SECISBP2: variants seen among roughly 807,000 people sequenced by gnomAD.
SECISBP2 encodes selenocysteine insertion sequence-binding protein 2.
In SECISBP2, 96 loss-of-function variants were observed where a neutral mutation model predicts 98.2. The observed-to-expected ratio is 0.98, with a 90% confidence interval of 0.83 to 1.16. The LOEUF is 1.16. SECISBP2 is among the 50% of genes most tolerant of loss of function. The pLI is 0.00. For synonymous variants in SECISBP2, 407 were observed against 370.2 expected, an observed-to-expected ratio of 1.10 and a Z score of -1.14; for missense variants, 1,046 against 1,022.9, an observed-to-expected ratio of 1.02 and a Z score of -0.31.
intron 14 of SECISBP2, among the ~76,000 whole-genome samples, chr9:89,355,881 C>A (rs1385790583): frequency 6.6e-6 from 1 of 152,220 alleles, no homozygotes; most frequent in African/African-American, 2.4e-5. Flanking sequence ...CCGGTTTTTT[C>A]TGGCGTCCAT....
intron 14 of SECISBP2, among the ~76,000 whole-genome samples, chr9:89,352,463 A>G (rs1265940336): frequency 2.0e-5 from 3 of 152,184 alleles, no homozygotes; most frequent in Non-Finnish European, 2.9e-5. Context: ...TCTTGCTTGA[A>G]ATCCAGAGAC....
downstream of SECISBP2, chr9:89,362,513 C>T: frequency 6.2e-7 from 1 of 1,611,276 alleles, no homozygotes; most frequent in Non-Finnish European, 8.5e-7. Flanking sequence ...CATAGCCCAT[C>T]CCAGGCAGAG....
At chr9:89,337,933 A>G (rs551912967) in intron 7 of SECISBP2, among the ~76,000 whole-genome samples, 18 of 152,356 alleles carry the variant, frequency 1.2e-4, no homozygotes, top group African/African-American at 4.3e-4. Context: ...TTCAGTGCAA[A>G]GGCCCTGTGG....
At chr9:89,354,864 T>TA (rs1346717841) in intron 14 of SECISBP2, 2 of 985,304 alleles carry the variant, frequency 2.0e-6, no homozygotes, top group Non-Finnish European at 2.4e-6. Flanking sequence ...ACGGGGGACT[T>TA]CATATGTCTC....
downstream of SECISBP2, chr9:89,362,081 C>A: frequency 3.8e-6 from 2 of 526,544 alleles, no homozygotes; most frequent in South Asian, 2.3e-5. Flanking sequence ...CTGCACACAC[C>A]CTGCTGTTTT....
chr9:89,348,823 C>A (rs1185305614), intron 12 of SECISBP2, among the ~76,000 whole-genome samples: 6 of 152,256 alleles, frequency 3.9e-5, no homozygotes, highest in African/African-American at 1.2e-4. Context: ...CTCTTTGTCC[C>A]CTTTCCTTCA....
At chr9:89,319,887 A>G (rs1028965669) in intron 2 of SECISBP2, 90 bp downstream of exon 2, 5 of 1,318,988 alleles carry the variant, frequency 3.8e-6, no homozygotes, top group East Asian at 2.3e-5. Context: ...TTACTGCACT[A>G]AAGTTCTGCA....
At chr9:89,322,092 A>T (rs1825914326) in intron 2 of SECISBP2, 1 of 152,232 alleles carries the variant, frequency 6.6e-6, no homozygotes, top group South Asian at 2.1e-4. Context: ...TACCTTTCAC[A>T]GTGCACTCAA....
intron 10 of SECISBP2, among the ~76,000 whole-genome samples, chr9:89,344,305 C>G (rs571615904): frequency 7.9e-5 from 12 of 152,242 alleles, no homozygotes; most frequent in African/African-American, 2.9e-4. Flanking sequence ...TGCAGAAGCT[C>G]TTTAGTTTAA....
chr9:89,350,614 G>T lies in SECISBP2; in HGVS notation c.1893-18G>T. 1 of 1,609,676 alleles carries T rather than the reference G, an allele frequency of 6.2e-7. No individual in the cohort carries two copies. Among genetic ancestry groups the T allele is most frequent in the South Asian group, 1.1e-5 (1 of 90,976 alleles). ...CACAGCCAGTGGCACAATTCCTGATGTCTGATGTTTCTTTCAGTTACTGCA... is the reference window on the plus strand; with the variant it reads ...CACAGCCAGTGGCACAATTCCTGATTTCTGATGTTTCTTTCAGTTACTGCA... On this transcript the variant is annotated intron_variant, in intron 13 of 16. Transcript: ENST00000375807.
chr9:89,319,614 CTG>C, intron 1 of SECISBP2, 36 bp from the exon 2 acceptor site: 1 of 1,612,464 alleles, frequency 6.2e-7, no homozygotes, highest in Non-Finnish European at 8.5e-7. Context: ...TGCTTGATCT[CTG>C]AATGTTTGTG....
intron 1 of SECISBP2, chr9:89,319,053 A>G (rs1010128995): frequency 9.9e-7 from 1 of 1,011,696 alleles, no homozygotes; most frequent in South Asian, 4.3e-5. Flanking sequence ...TAGACCCATA[A>G]AATTCTCGGT....
intron 2 of SECISBP2, chr9:89,324,139 C>A (rs1255742444): frequency 6.6e-6 from 1 of 152,144 alleles, no homozygotes; most frequent in East Asian, 1.9e-4. Flanking sequence ...GACACTTGCC[C>A]CCCACTAGCT....
downstream of SECISBP2, chr9:89,362,342 G>A (rs565977328): frequency 8.1e-6 from 13 of 1,613,990 alleles, no homozygotes; most frequent in Admixed American, 5.0e-5. Flanking sequence ...GGTGGCTGTG[G>A]TCAGTGGCAG....
chr9:89,359,494 A>G lies in SECISBP2; in HGVS notation c.*670A>G, dbSNP rs921959502. ...AAACAATGTGTATTGAAGTACCTAGATTTGTTTGATAATCAACAAATCTTT... is the reference window on the plus strand; with the variant it reads ...AAACAATGTGTATTGAAGTACCTAGGTTTGTTTGATAATCAACAAATCTTT... On this transcript the variant is annotated 3_prime_UTR_variant, in exon 17 of 17. Coordinates refer to ENST00000375807, the MANE Select transcript of SECISBP2 (RefSeq NM_024077.5). The G allele has an allele frequency of 2.0e-5, 3 of 152,738 alleles. No individual in the cohort carries two copies. Among genetic ancestry groups the G allele is most frequent in the Admixed American group, 6.5e-5 (1 of 15,324 alleles). The allele number at this position is 152,738 out of a possible 1,614,324, so 9.5% of individuals were successfully genotyped here.
chr9:89,362,627 C>A (rs770925406), downstream of SECISBP2, among the ~76,000 whole-genome samples: 1 of 152,332 alleles, frequency 6.6e-6, no homozygotes, highest in Non-Finnish European at 1.5e-5. Flanking sequence ...AGAGCAGCAG[C>A]GCATTCACTC....
intron 10 of SECISBP2, among the ~76,000 whole-genome samples, chr9:89,345,287 C>A (rs1204507164): frequency 6.6e-6 from 1 of 152,218 alleles, no homozygotes; most frequent in Non-Finnish European, 1.5e-5. Flanking sequence ...GAAATCACTA[C>A]TTTAAATGAC....
chr9:89,348,812 T>TCTCTTTGTC (rs1243099170), intron 12 of SECISBP2, among the ~76,000 whole-genome samples: 1 of 152,270 alleles, frequency 6.6e-6, no homozygotes, highest in African/African-American at 2.4e-5. Context: ...TACGTGCTGC[T>TCTCTTTGTC]CTCTTTGTCC....
intron 6 of SECISBP2, chr9:89,334,110 G>C: frequency 8.9e-7 from 1 of 1,129,938 alleles, no homozygotes. Context: ...TGTGATAGCT[G>C]AAGTCTAGTG....
Sources: allele counts gnomAD v4.1 joint callset (sites outside exome capture counted in the v4.1 genomes callset), GRCh38; gene constraint gnomAD v4.1.1; transcripts MANE v1.5; gene names NCBI Gene and HGNC (gene_info 2026-07-23, HGNC 2026-07-21).